Variants in AMZ1 observed in about 807,000 individuals in gnomAD.
The protein encoded by AMZ1 is archaemetzincin-1.
AMZ1 carries 39 observed loss-of-function variants against 29.9 expected under a neutral mutation model. The ratio of observed to expected loss-of-function variants is 1.30; its 90% CI spans 1.01 to 1.70. The LOEUF (loss-of-function observed/expected upper bound fraction) is 1.70, where lower values mean the gene tolerates loss of function less well. Among genes scored for constraint, AMZ1 ranks in the 40% most tolerant of loss-of-function variants. AMZ1 has a pLI of 0.00. For missense variants in AMZ1, 1,041 were observed against 680.6 expected (o/e 1.53, Z -5.89); for synonymous variants, 458 against 304.0 (o/e 1.51, Z -5.27).
At chr7:2,693,849 C>T (rs940945964) in intron 1 of AMZ1, among the ~76,000 whole-genome samples, 9 of 152,246 alleles carry the variant, frequency 5.9e-5, no homozygotes, top group African/African-American at 2.2e-4. Context: ...GCCACTGCAG[C>T]CAGCCAGCCT....
Position 2,719,068 on chromosome 7 carries a change from T to C in AMZ1, c.*6190T>C, listed in dbSNP as rs546096417. Among the ~76,000 whole-genome samples the C allele has an allele frequency of 2.6e-5, 4 of 151,554 alleles. No individual in the cohort carries two copies. The South Asian group carries it at 8.4e-4, about 32-fold the overall frequency. Reference sequence around the variant, plus strand: ...GATCAAACTTCTACCACATTCTACCTGTGCCCTTCTGGGTGGGTGGTGGCC... The same window carrying C: ...GATCAAACTTCTACCACATTCTACCCGTGCCCTTCTGGGTGGGTGGTGGCC... On this transcript the variant is annotated 3_prime_UTR_variant, in exon 7 of 7. Transcript: ENST00000683327.
chr7:2,754,678 G>C (rs1242895612), intron 4 of AMZ1, among the ~76,000 whole-genome samples: 1 of 152,124 alleles, frequency 6.6e-6, no homozygotes, highest in Non-Finnish European at 1.5e-5. Context: ...GAGCCCAGGA[G>C]ACTGAGGCTG....
chr7:2,709,883 G>C, intron 6 of AMZ1, 67 bp downstream of exon 6: 2 of 1,579,218 alleles, frequency 1.3e-6, no homozygotes, highest in Non-Finnish European at 1.7e-6. Flanking sequence ...AGCGCCGCCT[G>C]GAGGCTACGC....
Position 2,713,614 on chromosome 7 carries a change from C to G in AMZ1, c.*736C>G, listed in dbSNP as rs936868711. The G allele has an allele frequency of 8.5e-5, 13 of 152,470 alleles. No homozygotes were observed. Among genetic ancestry groups the G allele is most frequent in the African/African-American group, 3.1e-4 (13 of 41,458 alleles). 9.4% of individuals were successfully genotyped at this position (152,470 alleles called of 1,614,324 possible). ...TAACGGGGAAGTGACGGGGTTTTGT[C>G]TCTATCATCTCAGGCGTCAACCACA... On this transcript the variant is annotated 3_prime_UTR_variant, in exon 7 of 7. Coordinates refer to ENST00000683327, the MANE Select transcript of AMZ1 (RefSeq NM_001384743.1).
At position 2,709,804 on chromosome 7, in the gene AMZ1, C is replaced by G. The variant is rs576714230; in HGVS notation, c.936C>G (p.Ile312Met). The change falls in exon 6 of 7, where the codon ATC becomes ATG. Residue 312 changes from isoleucine to methionine, a missense_variant. Transcript: ENST00000683327. The stretch of plus-strand genomic sequence containing the variant: ...AGCATGTCCTGGGTTTCAGGCTCAT[C>G]GAGAGGTACCAGGTGAGTGGCTGAG... ...KLQHVLGFRL[I>M]ERYQRLYTWT... 17 of 1,611,880 alleles carry G rather than the reference C, an allele frequency of 1.1e-5. No individual in the cohort carries two copies. The highest frequency in any genetic ancestry group is 3.3e-5 in the South Asian group (3 of 91,006).
exon 1 of AMZ1, chr7:2,764,917 AG>A (rs1371408310): frequency 6.6e-6 from 1 of 152,260 alleles, no homozygotes; most frequent in East Asian, 1.9e-4. Flanking sequence ...GCTTCTGTTC[AG>A]GTGAATGCAC....
chr7:2,714,096 G>A lies in AMZ1; in HGVS notation c.*1218G>A, dbSNP rs1476879855. On this transcript the variant is annotated 3_prime_UTR_variant, in exon 7 of 7. Coordinates refer to ENST00000683327, the MANE Select transcript of AMZ1 (RefSeq NM_001384743.1). ...GGAATTGACCCTTTTATTGTCACAC[G>A]TACCCCCTCAGCCTGTGGTGGAGGG... is the stretch of plus-strand genomic sequence containing the variant. 4.6e-5 allele frequency: 7 copies of A among 152,048 alleles called. No individual in the cohort carries two copies. Among genetic ancestry groups the A allele is most frequent in the African/African-American group, 1.2e-4 (5 of 41,344 alleles). 9.4% of individuals were successfully genotyped at this position (152,048 alleles called of 1,614,324 possible).
intron 1 of AMZ1, among the ~76,000 whole-genome samples, chr7:2,680,823 C>G (rs1471554892): frequency 6.6e-6 from 1 of 152,238 alleles, no homozygotes; most frequent in Non-Finnish European, 1.5e-5. Flanking sequence ...GCTGGGCCTC[C>G]CTGACGACCC....
intron 4 of AMZ1, among the ~76,000 whole-genome samples, chr7:2,750,318 C>T (rs772275562): frequency 2.0e-5 from 3 of 152,192 alleles, no homozygotes; most frequent in Non-Finnish European, 4.4e-5. Flanking sequence ...TGCAGAGAAT[C>T]GCAGTTTACC....
rs1003330434 is a variant in AMZ1 at position 2,714,583 on chromosome 7, C to T, written c.*1705C>T. On this transcript the variant is annotated 3_prime_UTR_variant, in exon 7 of 7. Transcript: ENST00000683327. Reference sequence around the variant, plus strand: ...ACCCTGCAGTAACAGAAGGTGAAAGCCGGAGCCTGGTGGCTGTTGCTGCAA... The same window carrying T: ...ACCCTGCAGTAACAGAAGGTGAAAGTCGGAGCCTGGTGGCTGTTGCTGCAA... 3 of 152,282 alleles carry T rather than the reference C, an allele frequency of 2.0e-5. No individual in the cohort carries two copies. The highest frequency in any genetic ancestry group is 7.2e-5 in the African/African-American group (3 of 41,446). The allele number at this position is 152,282 out of a possible 1,614,324, so 9.4% of individuals were successfully genotyped here.
chr7:2,682,095 G>C lies in AMZ1; in HGVS notation c.-219+2424G>C, dbSNP rs548197840. Among the ~76,000 whole-genome samples the C allele has an allele frequency of 2.6e-5, 4 of 152,362 alleles. No homozygotes were observed. The South Asian group carries it at 6.2e-4, about 24-fold the overall frequency. ...AGGGAACAAGGGCTTTCAGAGCTGGGGACCCGACGTGAATACTAATCCAGA... is the reference window on the plus strand; with the variant it reads ...AGGGAACAAGGGCTTTCAGAGCTGGCGACCCGACGTGAATACTAATCCAGA... On this transcript the variant is annotated intron_variant, in intron 1 of 6. Transcript: ENST00000312371.
chr7:2,762,657 T>A (rs10487576), upstream of AMZ1: 11 of 1,598,646 alleles, frequency 6.9e-6, no homozygotes, highest in African/African-American at 1.3e-5. Flanking sequence ...GGCAGGACGA[T>A]GAGAGGATAA....
At chr7:2,723,003 A>G (rs940330641), downstream of AMZ1, among the ~76,000 whole-genome samples, 10 of 152,242 alleles carry the variant, frequency 6.6e-5, no homozygotes, top group African/African-American at 2.4e-4. Flanking sequence ...GTAAAATAAA[A>G]TAAAACAAAA....
At chr7:2,696,547 G>C (rs7384663) in intron 1 of AMZ1, among the ~76,000 whole-genome samples, 1 of 149,074 alleles carries the variant, frequency 6.7e-6, no homozygotes, top group Non-Finnish European at 1.5e-5. Flanking sequence ...GTGAGCCACC[G>C]CACCTGGCCA....
At position 2,702,710 on chromosome 7, in the gene AMZ1, C is replaced by T; in HGVS notation, c.305-12C>T. ...GGGCGTCGCAGGGCTGACGGTGCTG[C>T]TCTCCCACCAGACCTGAGCGAGGAG... On this transcript the variant is annotated splice_polypyrimidine_tract_variant and intron_variant, in intron 2 of 6. Transcript: ENST00000683327. The T allele has an allele frequency of 6.6e-7, 1 of 1,520,860 alleles. No homozygotes were observed. 94.2% of individuals were successfully genotyped at this position (1,520,860 alleles called of 1,614,324 possible). A position where few individuals can be genotyped will look rare whatever the true frequency, so the allele number is the denominator to read the frequency against.
Position 2,710,009 on chromosome 7 carries a change from C to T in AMZ1, c.948+193C>T, listed in dbSNP as rs998589568. On this transcript the variant is annotated intron_variant, in intron 6 of 6. Transcript: ENST00000683327. ...GGATCTCACTGGCAGTAGATCGAGT[C>T]CTGCCAGGGCCCGCGTGTGGTGGCT... is the stretch of plus-strand genomic sequence containing the variant. 2.0e-5 allele frequency among the ~76,000 whole-genome samples: 3 copies of T among 152,194 alleles called. No individual in the cohort carries two copies. The South Asian group carries it at 6.2e-4, about 32-fold the overall frequency.
At chr7:2,743,688 C>T (rs538182538) in intron 4 of AMZ1, among the ~76,000 whole-genome samples, 6 of 152,200 alleles carry the variant, frequency 3.9e-5, no homozygotes, top group East Asian at 3.9e-4. Context: ...AGACAGTGGG[C>T]GCAGCGCACT....
intron 4 of AMZ1, among the ~76,000 whole-genome samples, chr7:2,724,818 G>A (rs969396752): frequency 1.3e-5 from 2 of 152,210 alleles, no homozygotes; most frequent in African/African-American, 4.8e-5. Context: ...TGCCGAGGCT[G>A]CCGGGCGCGT....
At chr7:2,688,464 G>C (rs950462011) in intron 1 of AMZ1, among the ~76,000 whole-genome samples, 168 bp downstream of exon 1, 1 of 152,080 alleles carries the variant, frequency 6.6e-6, no homozygotes, top group Non-Finnish European at 1.5e-5. Flanking sequence ...GAGACGCGAA[G>C]GGCGCACTTG....
Sources: gnomAD v4.1 joint callset for allele counts (sites outside exome capture counted in the v4.1 genomes callset) on GRCh38, gnomAD v4.1.1 for gene constraint, MANE v1.5 for transcripts, NCBI Gene and HGNC (gene_info 2026-07-23, HGNC 2026-07-21) for gene names.